The following THSD7B variants were observed in gnomAD, a reference collection of about 807,000 sequenced individuals.
THSD7B encodes thrombospondin type-1 domain-containing protein 7B.
A neutral mutation model predicts 213.6 loss-of-function variants in THSD7B; 138 were observed. The ratio of observed to expected loss-of-function variants is 0.65; its 90% CI spans 0.56 to 0.74. The LOEUF (loss-of-function observed/expected upper bound fraction) is 0.74. Ranked by LOEUF, THSD7B falls within the 30% of genes least tolerant of loss-of-function variation. The pLI is 0.00. For synonymous variants in THSD7B, 742 were observed against 687.0 expected (o/e 1.08, Z -1.25); for missense variants, 1,931 against 1,991.5 (o/e 0.97, Z 0.58).
intron 2 of THSD7B, among the ~76,000 whole-genome samples, chr2:137,006,475 TG>T (rs961517291): frequency 1.3e-5 from 2 of 152,182 alleles, no homozygotes; most frequent in Admixed American, 6.5e-5. Context: ...CATATACATT[TG>T]GCTGTGACAT....
intron 5 of THSD7B, among the ~76,000 whole-genome samples, chr2:137,127,688 G>A (rs1241133219): frequency 6.6e-6 from 1 of 152,134 alleles, no homozygotes; most frequent in African/African-American, 2.4e-5. Context: ...AGGCTGAGGT[G>A]GGTGGATTTC....
chr2:136,982,323 T>TC (rs1357532566), intron 2 of THSD7B, among the ~76,000 whole-genome samples: 1 of 151,516 alleles, frequency 6.6e-6, no homozygotes, highest in Admixed American at 6.6e-5. Flanking sequence ...ATTGTACTTT[T>TC]TTTTTTTTAA....
chr2:137,075,816 C>T (rs1031407285), intron 3 of THSD7B, among the ~76,000 whole-genome samples: 2 of 152,186 alleles, frequency 1.3e-5, no homozygotes, highest in African/African-American at 4.8e-5. Flanking sequence ...ACAGGACCCT[C>T]AGCTGCAGGT....
intron 16 of THSD7B, among the ~76,000 whole-genome samples, chr2:137,569,002 G>A (rs1462934179): frequency 2.6e-5 from 4 of 152,174 alleles, no homozygotes; most frequent in Admixed American, 6.5e-5. Flanking sequence ...AGGACTTTGT[G>A]ATGGGAAGAT....
chr2:136,833,624 G>A (rs1682795907), intron 1 of THSD7B, among the ~76,000 whole-genome samples: 1 of 152,042 alleles, frequency 6.6e-6, no homozygotes. Flanking sequence ...TTACTTTTGT[G>A]TATTCAAAGT....
chr2:137,056,418 A>AGGTCC lies in THSD7B; in HGVS notation c.140_144dup, dbSNP rs1229499530. 6.2e-7 allele frequency: 1 copy of AGGTCC among 1,603,640 alleles called. No homozygotes were observed. The highest frequency in any genetic ancestry group is 8.5e-7 in the Non-Finnish European group (1 of 1,173,128). ...TTAACATCCTTGTTTTTCTGCCTGT[A>AGGTCC]GGTCCGTGGGGAAGGTGTACAGGAG... On this transcript the variant is annotated splice_acceptor_variant, in intron 2 of 27. Coordinates refer to ENST00000409968, the MANE Select transcript of THSD7B (RefSeq NM_001316349.2). LOFTEE classifies it high-confidence loss of function.
chr2:137,401,511 T>A (rs1209022456), intron 12 of THSD7B, among the ~76,000 whole-genome samples: 2 of 152,208 alleles, frequency 1.3e-5, no homozygotes, highest in Middle Eastern at 3.2e-3. Flanking sequence ...GTGTTTTCAT[T>A]TCCAGTGATC....
intron 15 of THSD7B, among the ~76,000 whole-genome samples, chr2:137,553,533 A>T (rs1680892298): frequency 6.6e-6 from 1 of 152,170 alleles, no homozygotes; most frequent in African/African-American, 2.4e-5. Flanking sequence ...TGACTCCGGA[A>T]CTGGCAAAAT....
intron 2 of THSD7B, among the ~76,000 whole-genome samples, chr2:136,927,238 G>A (rs1452031411): frequency 1.0e-4 from 15 of 147,448 alleles, no homozygotes; most frequent in African/African-American, 3.0e-4. Context: ...TCTCCCTCCC[G>A]TTTTTCCCTT....
At position 136,919,909 on chromosome 2, in the gene THSD7B, G is replaced by A. The variant is rs565899834; in HGVS notation, c.139+37592G>A. Among the ~76,000 whole-genome samples the A allele has an allele frequency of 1.1e-4, 17 of 152,324 alleles. No individual in the cohort carries two copies. The South Asian group carries it at 1.4e-3, about 13-fold the overall frequency. ...GGCTCTGTGAGGCTGCAGGTGGACC[G>A]CACATATCATAAGCTGCTTTCACTG... On this transcript the variant is annotated intron_variant, in intron 2 of 27. Coordinates refer to ENST00000409968, the MANE Select transcript of THSD7B (RefSeq NM_001316349.2).
intron 1 of THSD7B, among the ~76,000 whole-genome samples, chr2:136,828,346 A>G (rs994719522): frequency 6.6e-6 from 1 of 151,940 alleles, no homozygotes; most frequent in Non-Finnish European, 1.5e-5. Flanking sequence ...TCCTACACCC[A>G]TATCCGTTAC....
Position 137,676,576 on chromosome 2 carries a change from T to A in THSD7B, c.4792T>A (p.Leu1598Ile). 1 of 1,594,578 alleles carries A rather than the reference T, an allele frequency of 6.3e-7. No homozygotes were observed. The highest frequency in any genetic ancestry group is 8.5e-7 in the Non-Finnish European group (1 of 1,171,746). ...STPPQQKPLT[L>I]AYDGDLDM ...ACCTCCCCAACAGAAGCCTCTGACC[T>A]TAGCCTACGATGGAGACTTAGACAT... The change falls in exon 28 of 28, where the codon TTA becomes ATA. Residue 1598 changes from leucine to isoleucine, a missense_variant. Transcript: ENST00000409968.
intron 3 of THSD7B, among the ~76,000 whole-genome samples, chr2:137,059,734 A>C (rs781270123): frequency 2.8e-4 from 43 of 152,192 alleles, no homozygotes; most frequent in Non-Finnish European, 5.4e-4. Context: ...ATCACTGAAT[A>C]ATATTCCATT....
chr2:137,567,514 T>C (rs1225348138), intron 16 of THSD7B, among the ~76,000 whole-genome samples: 1 of 152,096 alleles, frequency 6.6e-6, no homozygotes, highest in Non-Finnish European at 1.5e-5. Flanking sequence ...GGATACAGTT[T>C]TGAGGCCCTT....
At chr2:136,928,055 G>C (rs1357576944) in intron 2 of THSD7B, among the ~76,000 whole-genome samples, 1 of 152,136 alleles carries the variant, frequency 6.6e-6, no homozygotes, top group Non-Finnish European at 1.5e-5. Flanking sequence ...TTTTAATACA[G>C]ATGCTCCTTG....
At chr2:137,323,284 G>C (rs982638374) in intron 12 of THSD7B, among the ~76,000 whole-genome samples, 4 of 152,098 alleles carry the variant, frequency 2.6e-5, no homozygotes, top group Non-Finnish European at 5.9e-5. Flanking sequence ...GCATGACAGA[G>C]ACACCATGCC....
chr2:137,289,322 A>G (rs1683263237), intron 12 of THSD7B, among the ~76,000 whole-genome samples: 1 of 151,950 alleles, frequency 6.6e-6, no homozygotes, highest in South Asian at 2.1e-4. Flanking sequence ...CAGTAGAGTT[A>G]GTTTATTAAA....
rs571354762 is a variant in THSD7B at position 137,354,049 on chromosome 2, T to G, written c.2501-51564T>G. Among the ~76,000 whole-genome samples, 339 of 152,216 alleles carry G rather than the reference T, an allele frequency of 2.2e-3. 3 individuals are homozygous for G. The highest frequency in any genetic ancestry group is 0.02 in the Middle Eastern group (6 of 294). On this transcript the variant is annotated intron_variant, in intron 12 of 27. Transcript: ENST00000409968. ...CTAATCCTGTTTGTAACTACATGGC[T>G]GGCTCTGCAGACAGAGCTGGTATTT... is the stretch of plus-strand genomic sequence containing the variant.
At chr2:137,348,012 C>T (rs559609801) in intron 12 of THSD7B, among the ~76,000 whole-genome samples, 39 of 150,702 alleles carry the variant, frequency 2.6e-4, no homozygotes, top group African/African-American at 9.2e-4. Context: ...AAATGTAGAC[C>T]AGAGTTTCAC....
Sources: gnomAD v4.1 joint callset for allele counts (sites outside exome capture counted in the v4.1 genomes callset) on GRCh38, gnomAD v4.1.1 for gene constraint, MANE v1.5 for transcripts, NCBI Gene and HGNC (gene_info 2026-07-23, HGNC 2026-07-21) for gene names.